FRRS1: variants seen among roughly 807,000 people sequenced by gnomAD.
The protein encoded by FRRS1 is ferric reductase 1.
A neutral mutation model predicts 70.7 loss-of-function variants in FRRS1; 51 were observed. The observed-to-expected ratio is 0.72, with a 90% CI of 0.58 to 0.91. The LOEUF (loss-of-function observed/expected upper bound fraction) is 0.91, where lower values mean the gene tolerates loss of function less well. Ranked by LOEUF, FRRS1 falls within the 40% of genes least tolerant of loss-of-function variation. FRRS1 has a pLI of 0.00. For missense variants in FRRS1, 672 were observed against 726.0 expected, an observed-to-expected ratio of 0.93 and a Z score of 0.86; for synonymous variants, 225 against 238.7, an observed-to-expected ratio of 0.94 and a Z score of 0.53.
rs150198784 is a variant in FRRS1, at chr1:99,748,721, G to A, written c.48C>T (p.His16=). ...FTLGTCILLL[H]ISYVANYPNG... Reference sequence around the variant, plus strand: ...TGGGATAATTAGCCACATAACTAATGTGCAACAGAAGTATGCAGGTACCAA... The same window carrying A: ...TGGGATAATTAGCCACATAACTAATATGCAACAGAAGTATGCAGGTACCAA... Residue 16 remains histidine, a synonymous_variant, in exon 3 of 17, where the codon CAC becomes CAT. Coordinates refer to ENST00000646001, the MANE Select transcript of FRRS1 (RefSeq NM_001361041.2). 3.1e-6 allele frequency: 5 copies of A among 1,613,950 alleles called. No individual in the cohort carries two copies. Among genetic ancestry groups the A allele is most frequent in the Non-Finnish European group, 3.4e-6 (4 of 1,179,950 alleles).
At chr1:99,713,874 G>A (rs1654391180) in intron 12 of FRRS1, among the ~76,000 whole-genome samples, 1 of 152,140 alleles carries the variant, frequency 6.6e-6, no homozygotes, top group African/African-American at 2.4e-5. Context: ...AGCAGGGCTG[G>A]GCTCTCTGAG....
At chr1:99,721,385 T>G (rs1356525166) in intron 9 of FRRS1, among the ~76,000 whole-genome samples, 2 of 143,194 alleles carry the variant, frequency 1.4e-5, no homozygotes, top group Non-Finnish European at 3.0e-5. Flanking sequence ...AGACTCCGTC[T>G]CAATAAAAAA....
At chr1:99,710,723 G>T in intron 15 of FRRS1, 83 bp downstream of exon 15, 1 of 1,189,020 alleles carries the variant, frequency 8.4e-7, no homozygotes, top group Non-Finnish European at 1.2e-6. Context: ...GTAGCAGTCA[G>T]CCATTACTAT....
rs1553169357 is a variant in FRRS1 at position 99,708,625 on chromosome 1, A to AAAAAATAT, written c.*402_*403insATATTTTT. On this transcript the variant is annotated 3_prime_UTR_variant, in exon 17 of 17. Transcript: ENST00000646001. ...AAAAAAAAAAAAAAAAAAAAAAAAAAATATATATATATATATATATATATA... is the reference window on the plus strand; with the variant it reads ...AAAAAAAAAAAAAAAAAAAAAAAAAAAAAAATATATATATATATATATATATATATATA... The AAAAAATAT allele has an allele frequency of 7.6e-5, 4 of 52,738 alleles. No individual in the cohort carries two copies. Among genetic ancestry groups the AAAAAATAT allele is most frequent in the African/African-American group, 1.7e-4 (2 of 11,684 alleles). The allele number at this position is 52,738 out of a possible 1,614,324, so 3.3% of individuals were successfully genotyped here. A position where few individuals can be genotyped will look rare whatever the true frequency, so the allele number is the denominator to read the frequency against.
In FRRS1 at chr1:99,712,180, C is replaced by T; in HGVS notation, c.1422-17G>A. The stretch of plus-strand genomic sequence containing the variant: ...ATTTGCCTTCTACCAAAATAAGAAC[C>T]AGTCAGTATTCTTAAAAGCAATGGA... On this transcript the variant is annotated splice_polypyrimidine_tract_variant and intron_variant, in intron 13 of 16. Transcript: ENST00000646001. 6.4e-7 allele frequency: 1 copy of T among 1,562,118 alleles called. No homozygotes were observed. Among genetic ancestry groups the T allele is most frequent in the Non-Finnish European group, 8.8e-7 (1 of 1,134,852 alleles).
At chr1:99,711,899 A>G (rs1654288978) in intron 14 of FRRS1, among the ~76,000 whole-genome samples, 1 of 152,234 alleles carries the variant, frequency 6.6e-6, no homozygotes, top group Non-Finnish European at 1.5e-5. Flanking sequence ...AGTTATTGTA[A>G]AGACCTTAAA....
chr1:99,759,491 C>T (rs992218033), intron 1 of FRRS1, among the ~76,000 whole-genome samples: 2 of 152,100 alleles, frequency 1.3e-5, no homozygotes, highest in Non-Finnish European at 2.9e-5. Flanking sequence ...AGCATTGTCA[C>T]CAAAAACCTA....
At position 99,706,627 on chromosome 1, in the gene FRRS1, C is replaced by A. The variant is rs957111250; in HGVS notation, c.*2401G>T. Among the ~76,000 whole-genome samples, 1 of 152,142 alleles carries A rather than the reference C, an allele frequency of 6.6e-6. No homozygotes were observed. The highest frequency in any genetic ancestry group is 2.4e-5 in the African/African-American group (1 of 41,420). On this transcript the variant is annotated 3_prime_UTR_variant, in exon 17 of 17. Transcript: ENST00000646001. ...AAGAATTTTCAGCTGGGCACAGTGG[C>A]TCGTGCCTGTAATCCCAGCACTTTG...
chr1:99,748,809 T>C, intron 2 of FRRS1, 41 bp from the exon 3 acceptor site: 2 of 1,485,452 alleles, frequency 1.3e-6, no homozygotes, highest in Non-Finnish European at 1.8e-6. Flanking sequence ...TCATATATAA[T>C]TAAAATATAA....
Position 99,704,488 on chromosome 1 carries a change from A to G in FRRS1, c.*4540T>C, listed in dbSNP as rs890021810. Among the ~76,000 whole-genome samples, 2 of 152,150 alleles carry G rather than the reference A, an allele frequency of 1.3e-5. No homozygotes were observed. The highest frequency in any genetic ancestry group is 6.5e-5 in the Admixed American group (1 of 15,270). On this transcript the variant is annotated 3_prime_UTR_variant, in exon 17 of 17. Coordinates refer to ENST00000646001, the MANE Select transcript of FRRS1 (RefSeq NM_001361041.2). Reference sequence around the variant, plus strand: ...AGGAGGGAAAGGAAGTGCTGGGTAGAGGAGGGCGTGGTCCCTGGCGAGGGC... The same window carrying G: ...AGGAGGGAAAGGAAGTGCTGGGTAGGGGAGGGCGTGGTCCCTGGCGAGGGC...
At chr1:99,765,235 G>A (rs1657297747) in intron 1 of FRRS1, 1 of 152,162 alleles carries the variant, frequency 6.6e-6, no homozygotes, top group African/African-American at 2.4e-5. Flanking sequence ...TTTTCAATAA[G>A]CTGATAGATC....
At position 99,709,270 on chromosome 1, in the gene FRRS1, T is replaced by C. The variant is rs761460759; in HGVS notation, c.1625-11A>G. On this transcript the variant is annotated splice_polypyrimidine_tract_variant and intron_variant, in intron 15 of 16. Transcript: ENST00000646001. ...CATCCAATATTTCAACTGTCAAGAATAATAACATAAGTTTTTAAGGGCAGC... is the reference window on the plus strand; with the variant it reads ...CATCCAATATTTCAACTGTCAAGAACAATAACATAAGTTTTTAAGGGCAGC... 1.3e-6 allele frequency: 2 copies of C among 1,590,230 alleles called. No homozygotes were observed. Among genetic ancestry groups the C allele is most frequent in the Admixed American group, 3.3e-5 (2 of 59,942 alleles).
Position 99,748,649 on chromosome 1 carries a change from A to C in FRRS1, c.120T>G (p.Gly40=). 5 of 1,613,952 alleles carry C rather than the reference A, an allele frequency of 3.1e-6. No homozygotes were observed. The highest frequency in any genetic ancestry group is 4.2e-6 in the Non-Finnish European group (5 of 1,179,810). Residue 40 remains glycine, a synonymous_variant, in exon 3 of 17, where the codon GGT becomes GGG. Coordinates refer to ENST00000646001, the MANE Select transcript of FRRS1 (RefSeq NM_001361041.2). The part of the protein sequence containing the change: ...QSCHGMIPEH[G]HSPQSVPVHD... ...GAACAGGAACAGACTGTGGACTATG[A>C]CCATGTTCAGGAATCATTCCATGGC... is the stretch of plus-strand genomic sequence containing the variant.
intron 6 of FRRS1, among the ~76,000 whole-genome samples, chr1:99,738,562 A>G (rs1009694081): frequency 6.6e-6 from 1 of 152,192 alleles, no homozygotes. Context: ...TACACAAAAC[A>G]TTTCACATTA....
intron 9 of FRRS1, among the ~76,000 whole-genome samples, chr1:99,723,634 T>C (rs913191954): frequency 2.6e-5 from 4 of 152,156 alleles, no homozygotes; most frequent in Non-Finnish European, 5.9e-5. Flanking sequence ...CTATCAAAAC[T>C]CACAAACCTA....
chr1:99,752,559 C>T (rs1427913833), intron 1 of FRRS1, among the ~76,000 whole-genome samples: 2 of 152,104 alleles, frequency 1.3e-5, no homozygotes, highest in South Asian at 2.1e-4. Flanking sequence ...ACAATAGAAA[C>T]ATCAAAGATC....
At chr1:99,734,493 A>G (rs1447835088) in intron 7 of FRRS1, among the ~76,000 whole-genome samples, 1 of 106,086 alleles carries the variant, frequency 9.4e-6, no homozygotes, top group African/African-American at 8.9e-5. Flanking sequence ...ATCTAGGTGA[A>G]GGGCTTATGG....
chr1:99,759,399 G>A (rs374701138), intron 1 of FRRS1, among the ~76,000 whole-genome samples: 27 of 152,194 alleles, frequency 1.8e-4, no homozygotes, highest in African/African-American at 5.5e-4. Flanking sequence ...TATTGGGGGC[G>A]GGTTCCTCCA....
intron 12 of FRRS1, 118 bp from the exon 13 acceptor site, chr1:99,712,633 A>G (rs1654323442): frequency 1.8e-6 from 1 of 559,488 alleles, no homozygotes; most frequent in East Asian, 3.0e-5. Flanking sequence ...TAAAGATTCA[A>G]TAATGATGAT....
Sources: gnomAD v4.1 joint callset for allele counts (sites outside exome capture counted in the v4.1 genomes callset) on GRCh38, gnomAD v4.1.1 for gene constraint, MANE v1.5 for transcripts, NCBI Gene and HGNC (gene_info 2026-07-23, HGNC 2026-07-21) for gene names.